The following NBAS variants were observed in gnomAD, a reference collection of about 807,000 sequenced individuals.
NBAS encodes NBAS subunit of NRZ tethering complex.
In NBAS, 219 loss-of-function variants were observed where a neutral mutation model predicts 302.5. The ratio of observed to expected loss-of-function variants is 0.72; its 90% CI spans 0.65 to 0.81. The LOEUF is 0.81. Ranked by LOEUF, NBAS falls within the 30% of genes least tolerant of loss-of-function variation. The pLI is 0.00. For missense variants in NBAS, 2,932 were observed against 2,841.6 expected (o/e 1.03, Z -0.72); for synonymous variants, 1,118 against 1,021.6 (o/e 1.09, Z -1.80).
At chr2:15,133,141 A>G in the NBAS span, among the ~76,000 whole-genome samples, 1 of 152,236 alleles carries the variant, frequency 6.6e-6, no homozygotes, top group Non-Finnish European at 1.5e-5. Flanking sequence ...TGTATGCACC[A>G]GTTCTTGTGC....
chr2:15,038,256 C>T, the NBAS span, among the ~76,000 whole-genome samples: 2 of 151,636 alleles, frequency 1.3e-5, no homozygotes, highest in Non-Finnish European at 2.9e-5. Flanking sequence ...GGGACTATGG[C>T]GCGCACCACA....
At chr2:15,161,278 A>T in the NBAS span, among the ~76,000 whole-genome samples, 12 of 152,218 alleles carry the variant, frequency 7.9e-5, no homozygotes, top group African/African-American at 2.7e-4. Flanking sequence ...GACTTTGAAC[A>T]CATATAGGCG....
chr2:15,494,850 C>T (rs1172274704), intron 11 of NBAS, among the ~76,000 whole-genome samples: 4 of 152,142 alleles, frequency 2.6e-5, no homozygotes, highest in Admixed American at 6.5e-5. Context: ...TGTGCACCTC[C>T]ACTTGAAATC....
chr2:15,243,276 A>G (rs1335385042), intron 44 of NBAS, among the ~76,000 whole-genome samples: 1 of 152,178 alleles, frequency 6.6e-6, no homozygotes, highest in African/African-American at 2.4e-5. Flanking sequence ...GAAGTGACAT[A>G]TACCATTTCA....
chr2:14,871,740 A>C, the NBAS span, among the ~76,000 whole-genome samples: 1 of 152,140 alleles, frequency 6.6e-6, no homozygotes, highest in Non-Finnish European at 1.5e-5. Context: ...TTTAAATACT[A>C]AGATAATCAT....
the NBAS span, among the ~76,000 whole-genome samples, chr2:15,158,296 A>C: frequency 6.6e-6 from 1 of 152,190 alleles, no homozygotes; most frequent in South Asian, 2.1e-4. Flanking sequence ...GAAAGTAATG[A>C]CAAGGCCACG....
the NBAS span, among the ~76,000 whole-genome samples, chr2:15,011,872 A>G: frequency 2.0e-5 from 3 of 152,192 alleles, no homozygotes; most frequent in Admixed American, 1.3e-4. Context: ...AACCAAAGCC[A>G]ATGCACCCCA....
the NBAS span, among the ~76,000 whole-genome samples, chr2:15,016,155 G>T: frequency 6.6e-6 from 1 of 152,086 alleles, no homozygotes; most frequent in Non-Finnish European, 1.5e-5. Context: ...ATGTAGCTGG[G>T]GAGGCCTCAT....
the NBAS span, among the ~76,000 whole-genome samples, chr2:14,901,780 T>A: frequency 1.3e-5 from 2 of 152,184 alleles, no homozygotes; most frequent in African/African-American, 4.8e-5. Context: ...CTACCAGGAA[T>A]CAGACTAGAG....
Position 15,441,715 on chromosome 2 carries a change from T to C in NBAS, c.2340-13921A>G, listed in dbSNP as rs1330858451. Among the ~76,000 whole-genome samples the C allele has an allele frequency of 4.6e-5, 7 of 151,724 alleles. No homozygotes were observed. The South Asian group carries it at 6.3e-4, about 14-fold the overall frequency. ...CAATTAAAAGACACAGACTGGCAAA[T>C]TGGATAAAGAGTCAAGACTCATCAG... On this transcript the variant is annotated intron_variant, in intron 21 of 51. Transcript: ENST00000281513.
At chr2:15,270,235 G>T (rs894128720) in intron 44 of NBAS, among the ~76,000 whole-genome samples, 1 of 151,886 alleles carries the variant, frequency 6.6e-6, no homozygotes, top group Non-Finnish European at 1.5e-5. Context: ...CACGATCTCG[G>T]GTCAGTGCAG....
the NBAS span, among the ~76,000 whole-genome samples, chr2:15,084,411 A>C: frequency 6.6e-6 from 1 of 152,212 alleles, no homozygotes; most frequent in African/African-American, 2.4e-5. Flanking sequence ...AAACAAAAAC[A>C]AAACAAAAAC....
chr2:15,371,081 G>C (rs1007382622), intron 31 of NBAS, among the ~76,000 whole-genome samples: 1 of 152,118 alleles, frequency 6.6e-6, no homozygotes, highest in African/African-American at 2.4e-5. Flanking sequence ...CTGGATCATG[G>C]GGGCAGTTTC....
At chr2:14,958,545 G>C in the NBAS span, among the ~76,000 whole-genome samples, 2 of 152,146 alleles carry the variant, frequency 1.3e-5, no homozygotes, top group Non-Finnish European at 2.9e-5. Flanking sequence ...TTATATTAGA[G>C]GGATGAGAAA....
At chr2:14,848,512 C>T in the NBAS span, among the ~76,000 whole-genome samples, 1 of 144,398 alleles carries the variant, frequency 6.9e-6, no homozygotes, top group South Asian at 2.1e-4. Flanking sequence ...GGGCGCCCGC[C>T]ATTGCCCAGC....
chr2:15,126,948 C>T, the NBAS span, among the ~76,000 whole-genome samples: 3 of 152,188 alleles, frequency 2.0e-5, no homozygotes, highest in African/African-American at 7.2e-5. Context: ...CAGTAACACA[C>T]AAAACTGAGA....
chr2:15,449,416 T>A (rs978545901), intron 21 of NBAS, among the ~76,000 whole-genome samples: 1 of 152,170 alleles, frequency 6.6e-6, no homozygotes. Flanking sequence ...ATGAGATGTT[T>A]GTTGAATAAA....
At chr2:14,959,619 A>T in the NBAS span, among the ~76,000 whole-genome samples, 1 of 152,232 alleles carries the variant, frequency 6.6e-6, no homozygotes, top group African/African-American at 2.4e-5. Context: ...ACTTGCTGTG[A>T]CAATTCTTAT....
intron 44 of NBAS, among the ~76,000 whole-genome samples, chr2:15,267,076 C>A (rs1374356194): frequency 6.6e-6 from 1 of 152,174 alleles, no homozygotes. Flanking sequence ...TCAAACTATA[C>A]CCAGAAGCTA....
Sources: allele counts gnomAD v4.1 joint callset (sites outside exome capture counted in the v4.1 genomes callset), GRCh38; gene constraint gnomAD v4.1.1; transcripts MANE v1.5; gene names NCBI Gene and HGNC (gene_info 2026-07-23, HGNC 2026-07-21).